The following CDC73 variants were observed in gnomAD, a reference collection of about 807,000 sequenced individuals.
CDC73 encodes parafibromin.
In CDC73, 21 loss-of-function variants were observed where a neutral mutation model predicts 83.7. The observed-to-expected ratio is 0.25, with a 90% CI of 0.18 to 0.36. CDC73 has a LOEUF of 0.36. CDC73 is among the 10% of genes least tolerant of loss of function. The probability of loss-of-function intolerance (pLI) is 1.00; values close to 1 mark genes in which losing one functional copy is unlikely to be tolerated. For synonymous variants in CDC73, 224 were observed against 212.9 expected (o/e 1.05, Z -0.45); for missense variants, 342 against 653.3 (o/e 0.52, Z 5.19).
At chr1:193,246,759 A>G (rs1677961636) in intron 15 of CDC73, among the ~76,000 whole-genome samples, 1 of 152,152 alleles carries the variant, frequency 6.6e-6, no homozygotes, top group Non-Finnish European at 1.5e-5. Flanking sequence ...TCTCTACTAA[A>G]TACTTTGCAG....
At chr1:193,249,895 T>C (rs1204987031) in intron 16 of CDC73, 24 bp downstream of exon 16, 1 of 1,608,708 alleles carries the variant, frequency 6.2e-7, no homozygotes, top group Admixed American at 1.7e-5. Context: ...TAAAATATGC[T>C]TGTGTGTGTT....
chr1:193,247,259 G>C (rs1045217907), intron 15 of CDC73, among the ~76,000 whole-genome samples: 2 of 151,994 alleles, frequency 1.3e-5, no homozygotes, highest in African/African-American at 4.8e-5. Flanking sequence ...GGTGATATGG[G>C]ACTAGTGATC....
chr1:193,181,617 T>C, intron 10 of CDC73: 1 of 1,414,368 alleles, frequency 7.1e-7, no homozygotes, highest in Non-Finnish European at 9.6e-7. Context: ...AATGTTTTCT[T>C]CTCCTTAATA....
chr1:193,247,382 ATC>A (rs144859660), intron 15 of CDC73, among the ~76,000 whole-genome samples: 56 of 148,852 alleles, frequency 3.8e-4, no homozygotes, highest in Admixed American at 4.7e-4. Context: ...TTAGTCCCTC[ATC>A]TCTCTCTCTC....
chr1:193,244,449 G>C (rs549595914), intron 15 of CDC73, among the ~76,000 whole-genome samples: 1 of 152,294 alleles, frequency 6.6e-6, no homozygotes, highest in East Asian at 1.9e-4. Context: ...GGTTGTGGTG[G>C]TATGTGCCTG....
At chr1:193,155,768 C>G (rs944856415) in intron 10 of CDC73, among the ~76,000 whole-genome samples, 11 of 152,094 alleles carry the variant, frequency 7.2e-5, no homozygotes, top group African/African-American at 2.7e-4. Context: ...CAGAGTGAGA[C>G]TCTGTCTCAA....
intron 15 of CDC73, among the ~76,000 whole-genome samples, chr1:193,238,064 ATGT>A (rs1042783480): frequency 2.6e-5 from 4 of 152,210 alleles, no homozygotes; most frequent in African/African-American, 9.7e-5. Flanking sequence ...TAAGATATAA[ATGT>A]TGTATGAAAT....
chr1:193,162,515 G>A (rs1008156123), intron 10 of CDC73, among the ~76,000 whole-genome samples: 2 of 151,098 alleles, frequency 1.3e-5, no homozygotes, highest in African/African-American at 4.9e-5. Flanking sequence ...TGAGACTACA[G>A]GCGTGCACCA....
chr1:193,208,172 T>G (rs778085677), intron 11 of CDC73, among the ~76,000 whole-genome samples: 5 of 152,224 alleles, frequency 3.3e-5, no homozygotes, highest in Non-Finnish European at 7.3e-5. Context: ...CCTTACTCCT[T>G]TTCTGTTGGT....
intron 10 of CDC73, chr1:193,179,812 A>G (rs1220182584): frequency 6.6e-6 from 1 of 152,624 alleles, no homozygotes; most frequent in Admixed American, 6.5e-5. Flanking sequence ...ATCTTATTGC[A>G]TTTAGAACCC....
intron 7 of CDC73, among the ~76,000 whole-genome samples, chr1:193,142,666 T>G (rs1353919305): frequency 6.6e-6 from 1 of 152,038 alleles, no homozygotes; most frequent in African/African-American, 2.4e-5. Flanking sequence ...TTTCCCTCTC[T>G]TCCTCCTTCC....
rs987835271 is a variant in CDC73 at position 193,145,363 on chromosome 1, G to A, written c.730-2504G>A. ...TGTTTGTGTGAGGATAGATTCTCTCGGTATTCTTTGACCAAATAAGATAGC... is the reference window on the plus strand; with the variant it reads ...TGTTTGTGTGAGGATAGATTCTCTCAGTATTCTTTGACCAAATAAGATAGC... On this transcript the variant is annotated intron_variant, in intron 7 of 16. Coordinates refer to ENST00000367435, the MANE Select transcript of CDC73 (RefSeq NM_024529.5). 2.6e-5 allele frequency among the ~76,000 whole-genome samples: 4 copies of A among 152,126 alleles called. No individual in the cohort carries two copies. The East Asian group carries it at 7.7e-4, about 29-fold the overall frequency.
At chr1:193,142,468 A>T (rs2103126909) in intron 7 of CDC73, among the ~76,000 whole-genome samples, 1 of 152,304 alleles carries the variant, frequency 6.6e-6, no homozygotes, top group South Asian at 2.1e-4. Context: ...ATCTGTAGCA[A>T]ACATTTATTG....
At chr1:193,222,282 T>G (rs1169471958) in intron 13 of CDC73, among the ~76,000 whole-genome samples, 1 of 152,118 alleles carries the variant, frequency 6.6e-6, no homozygotes, top group African/African-American at 2.4e-5. Context: ...AGACGCTATG[T>G]AGAGGGTTCT....
intron 5 of CDC73, among the ~76,000 whole-genome samples, chr1:193,136,976 C>T (rs1675812595): frequency 9.2e-6 from 1 of 108,838 alleles, no homozygotes; most frequent in Non-Finnish European, 2.1e-5. Flanking sequence ...CAGGAAATGG[C>T]ATAATACATT....
intron 13 of CDC73, among the ~76,000 whole-genome samples, chr1:193,221,887 T>C (rs1323343429): frequency 6.6e-6 from 1 of 152,150 alleles, no homozygotes; most frequent in Non-Finnish European, 1.5e-5. Flanking sequence ...AATGCATAAT[T>C]GAAACCTCCT....
chr1:193,186,336 CTTT>C (rs1266489879), intron 10 of CDC73: 4 of 152,372 alleles, frequency 2.6e-5, no homozygotes, highest in Non-Finnish European at 5.9e-5. Flanking sequence ...TGCATTGAAG[CTTT>C]TTACATCTGC....
intron 15 of CDC73, among the ~76,000 whole-genome samples, chr1:193,241,420 G>A (rs777874766): frequency 2.6e-5 from 4 of 152,210 alleles, no homozygotes; most frequent in Non-Finnish European, 5.9e-5. Context: ...CTGTTTTTGA[G>A]TCCCAAGGCC....
chr1:193,250,885 A>G lies in CDC73; in HGVS notation c.*173A>G. 4 of 622,924 alleles carry G rather than the reference A, an allele frequency of 6.4e-6. No individual in the cohort carries two copies. The highest frequency in any genetic ancestry group is 5.8e-6 in the Non-Finnish European group (2 of 345,470). The allele number at this position is 622,924 out of a possible 1,614,324, so 38.6% of individuals were successfully genotyped here. On this transcript the variant is annotated 3_prime_UTR_variant, in exon 17 of 17. Coordinates refer to ENST00000367435, the MANE Select transcript of CDC73 (RefSeq NM_024529.5). ...TAAGCAAACTTTTTGGCTTACAACT[A>G]TTTTTTTAATATTAGCCTTCTAGTC...
Sources: gnomAD v4.1 joint callset for allele counts (sites outside exome capture counted in the v4.1 genomes callset) on GRCh38, gnomAD v4.1.1 for gene constraint, MANE v1.5 for transcripts, NCBI Gene and HGNC (gene_info 2026-07-23, HGNC 2026-07-21) for gene names.